The following NPFFR1 variants were observed in gnomAD, a reference collection of about 807,000 sequenced individuals.
The protein encoded by NPFFR1 is neuropeptide FF receptor 1.
Under a neutral mutation model 12.7 loss-of-function variants are expected in NPFFR1, and 17 were observed. That is an observed-to-expected ratio of 1.34 (90% CI 0.92 to 2.01). The LOEUF (loss-of-function observed/expected upper bound fraction) is 2.01, where lower values mean the gene tolerates loss of function less well. Ranked by LOEUF, NPFFR1 falls within the 30% of genes most tolerant of loss-of-function variation. The pLI, the probability that NPFFR1 is intolerant of heterozygous loss-of-function variation, is 0.00. For synonymous variants in NPFFR1, 296 were observed against 264.5 expected (o/e 1.12, Z -1.16); for missense variants, 604 against 606.5 (o/e 1.00, Z 0.04).
In NPFFR1 at chr10:70,255,752, C is replaced by T; in HGVS notation, c.498G>A (p.Trp166Ter). ...RKALVTIAVI[W>*]ALALLIMCPS... The stretch of plus-strand genomic sequence containing the variant: ...GACACATGATGAGCAGCGCCAGGGC[C>T]CAGATGACGGCGATGGTGACGAGCG... Residue 166 changes from tryptophan (W) to a stop codon, truncating the protein, a stop_gained, in exon 4 of 4, where the codon TGG (tryptophan) becomes TGA (stop). Transcript: ENST00000277942. LOFTEE classifies it low-confidence loss of function (END_TRUNC). This position sits in a 1 kb window ranked among gnomAD's most constrained non-coding sequence, Gnocchi z 4.2. 3 of 1,611,672 alleles carry T rather than the reference C, an allele frequency of 1.9e-6. No homozygotes were observed. Among genetic ancestry groups the T allele is most frequent in the Non-Finnish European group, 2.5e-6 (3 of 1,179,028 alleles).
intron 1 of NPFFR1, among the ~76,000 whole-genome samples, chr10:70,283,132 T>TTTG (rs1554833974): frequency 1.7e-3 from 251 of 149,648 alleles, no homozygotes; most frequent in African/African-American, 5.2e-3. Context: ...CTCTCTCTTT[T>TTTG]TGTGTGTGTG....
intron 2 of NPFFR1, among the ~76,000 whole-genome samples, chr10:70,265,640 C>T (rs1275999378): frequency 1.3e-5 from 2 of 152,160 alleles, no homozygotes; most frequent in Non-Finnish European, 2.9e-5. Context: ...CTAATTCTGC[C>T]CATGCGAGCT....
chr10:70,263,434 G>A (rs1343540500), intron 2 of NPFFR1, among the ~76,000 whole-genome samples: 4 of 151,888 alleles, frequency 2.6e-5, no homozygotes, highest in Admixed American at 6.6e-5. Flanking sequence ...GACCACGCCC[G>A]GCTAATTTTT....
chr10:70,274,305 C>T (rs948888157), intron 1 of NPFFR1, among the ~76,000 whole-genome samples: 12 of 152,194 alleles, frequency 7.9e-5, no homozygotes, highest in East Asian at 3.9e-4. Context: ...AAAAATTAGC[C>T]GGGCGTGGTG....
chr10:70,260,773 T>G (rs1357886196), intron 2 of NPFFR1, 34 bp from the exon 3 acceptor site: 1 of 1,536,408 alleles, frequency 6.5e-7, no homozygotes, highest in East Asian at 2.4e-5. Flanking sequence ...GAGTGAGAGA[T>G]GCCCACGCAT....
chr10:70,264,312 T>TGCA (rs1377233242), intron 2 of NPFFR1, among the ~76,000 whole-genome samples: 1 of 130,524 alleles, frequency 7.7e-6, no homozygotes, highest in Non-Finnish European at 1.5e-5. Flanking sequence ...AGGCGGAGGT[T>TGCA]GCAGTGAGCC....
At chr10:70,277,839 C>T (rs1033855598) in intron 1 of NPFFR1, 5 of 464,028 alleles carry the variant, frequency 1.1e-5, no homozygotes, top group African/African-American at 7.9e-5. Flanking sequence ...ACAGTTAAGG[C>T]CCAGAGGGGA....
At chr10:70,270,854 C>A (rs1174078416) in intron 1 of NPFFR1, among the ~76,000 whole-genome samples, 1 of 152,118 alleles carries the variant, frequency 6.6e-6, no homozygotes. Context: ...ACTGGAGGAG[C>A]TTCCCCATCT....
intron 2 of NPFFR1, among the ~76,000 whole-genome samples, chr10:70,265,871 C>T (rs1840684180): frequency 6.6e-6 from 1 of 152,198 alleles, no homozygotes; most frequent in Admixed American, 6.5e-5. Context: ...TCATGCCAGG[C>T]ACAAAGAAAA....
chr10:70,258,837 T>C (rs1208664635), intron 3 of NPFFR1, among the ~76,000 whole-genome samples: 3 of 152,206 alleles, frequency 2.0e-5, no homozygotes, highest in Non-Finnish European at 4.4e-5. Context: ...GGTCTAGAGC[T>C]GACTCTCAGT....
At chr10:70,273,485 G>A (rs1329227242) in intron 1 of NPFFR1, among the ~76,000 whole-genome samples, 1 of 152,082 alleles carries the variant, frequency 6.6e-6, no homozygotes, top group African/African-American at 2.4e-5. Flanking sequence ...CAAAAGCATT[G>A]GATCCGCTCC....
chr10:70,268,231 T>C (rs1434755953), intron 1 of NPFFR1, among the ~76,000 whole-genome samples: 1 of 152,178 alleles, frequency 6.6e-6, no homozygotes, highest in African/African-American at 2.4e-5. Flanking sequence ...CATCCATAAA[T>C]GTTTCAGTTT....
At chr10:70,270,309 C>A (rs915118610) in intron 1 of NPFFR1, among the ~76,000 whole-genome samples, 3 of 152,250 alleles carry the variant, frequency 2.0e-5, no homozygotes, top group African/African-American at 4.8e-5. Flanking sequence ...CCAGGCCCCT[C>A]CAGAAAGAAC....
chr10:70,270,217 A>G (rs897589932), intron 1 of NPFFR1, among the ~76,000 whole-genome samples: 1 of 152,208 alleles, frequency 6.6e-6, no homozygotes, highest in Non-Finnish European at 1.5e-5. Context: ...GTAGGAAGGA[A>G]AAAAAGAAAG....
intron 1 of NPFFR1, 62 bp from the exon 2 acceptor site, chr10:70,266,453 C>G: frequency 7.5e-7 from 1 of 1,334,096 alleles, no homozygotes; most frequent in African/African-American, 1.4e-5. Flanking sequence ...CGATTTCTCA[C>G]CACTAATGAG....
In NPFFR1 at chr10:70,255,221, G is replaced by T; in HGVS notation, c.1029C>A (p.Ala343=). The T allele has an allele frequency of 6.4e-7, 1 of 1,550,878 alleles. No individual in the cohort carries two copies. The highest frequency in any genetic ancestry group is 8.7e-7 in the Non-Finnish European group (1 of 1,152,422). Residue 343 remains alanine (A), a synonymous_variant, in exon 4 of 4, where the codon GCC becomes GCA. Coordinates refer to ENST00000277942, the MANE Select transcript of NPFFR1 (RefSeq NM_022146.5). This position sits in a 1 kb window ranked among gnomAD's most constrained non-coding sequence, Gnocchi z 4.2. ...NENFRRGFQA[A]FRARLCPRPS... ...GGCGCGGGCAGAGGCGGGCGCGGAAGGCGGCCTGGAAGCCGCGGCGGAAGT... is the reference window on the plus strand; with the variant it reads ...GGCGCGGGCAGAGGCGGGCGCGGAATGCGGCCTGGAAGCCGCGGCGGAAGT...
intron 1 of NPFFR1, among the ~76,000 whole-genome samples, chr10:70,281,908 G>T (rs977066805): frequency 2.6e-5 from 4 of 152,166 alleles, no homozygotes; most frequent in African/African-American, 9.7e-5. Flanking sequence ...GGAGTGCGTT[G>T]TTGTCTCCTA....
At chr10:70,278,489 C>T (rs1007284227) in intron 1 of NPFFR1, among the ~76,000 whole-genome samples, 9 of 152,096 alleles carry the variant, frequency 5.9e-5, no homozygotes, top group African/African-American at 2.2e-4. Flanking sequence ...GACTTTATTG[C>T]CTTGTGGGTG....
rs182217721 is a variant in NPFFR1 at position 70,260,777 on chromosome 10, C to T, written c.323-38G>A. 272 of 1,531,116 alleles carry T rather than the reference C, an allele frequency of 1.8e-4. 2 individuals are homozygous for T. In the African/African-American group the frequency reaches 3.1e-3, roughly 18 times the overall value. 94.8% of individuals were successfully genotyped at this position (1,531,116 alleles called of 1,614,324 possible). A position where few individuals can be genotyped will look rare whatever the true frequency, so the allele number is the denominator to read the frequency against. On this transcript the variant is annotated intron_variant, in intron 2 of 3. Transcript: ENST00000277942. ...AGGCCCCCACAGAGTGAGAGATGCC[C>T]ACGCATCAAGAGCCAGAGACTGAAA... is the stretch of plus-strand genomic sequence containing the variant.
Sources: gnomAD v4.1 joint callset for allele counts (sites outside exome capture counted in the v4.1 genomes callset) on GRCh38, gnomAD v4.1.1 for gene constraint, Gnocchi (gnomAD v3.1) non-coding constraint, MANE v1.5 for transcripts, NCBI Gene and HGNC (gene_info 2026-07-23, HGNC 2026-07-21) for gene names.